Variants in ACSF2 observed in about 807,000 individuals in gnomAD.
The protein encoded by ACSF2 is acyl-CoA synthetase family member 2.
In ACSF2, 52 loss-of-function variants were observed where a neutral mutation model predicts 79.3. The ratio of observed to expected loss-of-function variants is 0.66; its 90% CI spans 0.53 to 0.83. ACSF2 has a LOEUF of 0.83. Among genes scored for constraint, ACSF2 ranks in the 40% least tolerant of loss-of-function variants. ACSF2 has a pLI of 0.00. For missense variants in ACSF2, 661 were observed against 803.3 expected (o/e 0.82, Z 2.14); for synonymous variants, 283 against 312.6 (o/e 0.91, Z 1.00).
Position 50,458,639 on chromosome 17 carries a change from T to C in ACSF2, c.129-2038T>C, listed in dbSNP as rs191833431. Among the ~76,000 whole-genome samples, 3 of 152,314 alleles carry C rather than the reference T, an allele frequency of 2.0e-5. No homozygotes were observed. In the East Asian group the frequency reaches 5.8e-4, roughly 29 times the overall value. The stretch of plus-strand genomic sequence containing the variant: ...TCCTGTCTTTCCCACCAGACCCTTA[T>C]CTCTGCAAGGACAGGGACTGTATTT... On this transcript the variant is annotated intron_variant, in intron 1 of 15. Coordinates refer to ENST00000300441, the MANE Select transcript of ACSF2 (RefSeq NM_025149.6).
chr17:50,428,800 A>G (rs1915260171), intron 1 of ACSF2, among the ~76,000 whole-genome samples: 1 of 152,208 alleles, frequency 6.6e-6, no homozygotes, highest in African/African-American at 2.4e-5. Flanking sequence ...AAAAATAAAA[A>G]TGAAAAAAGA....
At chr17:50,464,032 TGTGG>T in intron 9 of ACSF2, 123 bp downstream of exon 9, 1 of 533,992 alleles carries the variant, frequency 1.9e-6, no homozygotes, top group Non-Finnish European at 3.1e-6. Context: ...GCTGTAAAAA[TGTGG>T]GTGGGAGGGA....
chr17:50,458,072 C>A (rs563178112), intron 1 of ACSF2, among the ~76,000 whole-genome samples: 70 of 152,308 alleles, frequency 4.6e-4, no homozygotes, highest in African/African-American at 1.6e-3. Context: ...TCTTGAAAAA[C>A]TGTCACTTGG....
intron 1 of ACSF2, among the ~76,000 whole-genome samples, chr17:50,442,031 A>G (rs1005540548): frequency 6.6e-6 from 1 of 152,020 alleles, no homozygotes; most frequent in African/African-American, 2.4e-5. Flanking sequence ...TTGGCTGGGC[A>G]CGGTGGCTCA....
At chr17:50,448,913 G>C (rs908549388) in intron 1 of ACSF2, among the ~76,000 whole-genome samples, 1 of 151,488 alleles carries the variant, frequency 6.6e-6, no homozygotes, top group African/African-American at 2.4e-5. Context: ...GTCAGGGTTT[G>C]ACACAAGTGA....
chr17:50,438,395 G>A (rs1014174451), intron 1 of ACSF2, among the ~76,000 whole-genome samples: 9 of 152,066 alleles, frequency 5.9e-5, no homozygotes, highest in African/African-American at 1.7e-4. Context: ...GCTTTTTTAC[G>A]TATTGCTCTG....
chr17:50,473,802 T>A lies in ACSF2; in HGVS notation c.1613T>A (p.Val538Glu), dbSNP rs747187148. ...FFHTHPKVQE[V>E]QVVGVKDDRM... Reference sequence around the variant, plus strand: ...CACACACACCCGAAGGTGCAGGAAGTGCAGGTGAGGCACTTGGCTCAGGTG... The same window carrying A: ...CACACACACCCGAAGGTGCAGGAAGAGCAGGTGAGGCACTTGGCTCAGGTG... Residue 538 changes from valine (V) to glutamate (E), a missense_variant, in exon 13 of 16, where the codon GTG (valine) becomes GAG (glutamate). By Grantham distance (121) the Val-to-Glu change is moderately radical (BLOSUM62 -2). Coordinates refer to ENST00000300441, the MANE Select transcript of ACSF2 (RefSeq NM_025149.6). 6.2e-7 allele frequency: 1 copy of A among 1,614,176 alleles called. No homozygotes were observed.
At position 50,473,736 on chromosome 17, in the gene ACSF2, G is replaced by A. The variant is rs1207127107; in HGVS notation, c.1547G>A (p.Gly516Asp). 3 of 1,614,238 alleles carry A rather than the reference G, an allele frequency of 1.9e-6. No individual in the cohort carries two copies. Among genetic ancestry groups the A allele is most frequent in the Admixed American group, 3.3e-5 (2 of 60,028 alleles). Residue 516 changes from glycine (G) to aspartate (D), a missense_variant, in exon 13 of 16, where the codon GGT becomes GAT. Transcript: ENST00000300441. ...CGCTCTAAGGATATGATCATCCGGG[G>A]TGGTGAGAACATCTACCCCGCAGAG... is the stretch of plus-strand genomic sequence containing the variant. ...VGRSKDMIIR[G>D]GENIYPAELE...
At chr17:50,440,839 G>A (rs1008363984) in intron 1 of ACSF2, among the ~76,000 whole-genome samples, 2 of 152,386 alleles carry the variant, frequency 1.3e-5, no homozygotes, top group Admixed American at 6.5e-5. Flanking sequence ...TTGGTGCCAG[G>A]AGAGGTGAGC....
intron 1 of ACSF2, among the ~76,000 whole-genome samples, chr17:50,440,131 G>GACCTAGGGAGTAAGGAGCCAGCCTCCCTA (rs1426869390): frequency 9.9e-4 from 151 of 152,170 alleles, no homozygotes; most frequent in Middle Eastern, 3.4e-3. Context: ...GCCTCCCATG[G>GACCTAGGGAGTAAGGAGCCAGCCTCCCTA]GGGGTAAGGA....
chr17:50,472,744 T>C (rs2033179486), intron 12 of ACSF2, 165 bp downstream of exon 12: 3 of 786,660 alleles, frequency 3.8e-6, no homozygotes, highest in Non-Finnish European at 5.6e-6. Context: ...GGGATGATCA[T>C]ACATAGCACA....
intron 1 of ACSF2, among the ~76,000 whole-genome samples, chr17:50,428,833 G>A (rs530919068): frequency 3.7e-4 from 56 of 152,358 alleles, no homozygotes; most frequent in Non-Finnish European, 6.8e-4. Flanking sequence ...GAAACCATCA[G>A]CAAACATTCC....
chr17:50,426,305 C>T lies in ACSF2; in HGVS notation c.44C>T (p.Ala15Val). 1 of 1,416,128 alleles carries T rather than the reference C, an allele frequency of 7.1e-7. No homozygotes were observed. The highest frequency in any genetic ancestry group is 1.6e-5 in the South Asian group (1 of 60,654). 87.7% of individuals were successfully genotyped at this position (1,416,128 alleles called of 1,614,324 possible). Residue 15 changes from alanine to valine, a missense_variant, in exon 1 of 16, where the codon GCC becomes GTC. Coordinates refer to ENST00000300441, the MANE Select transcript of ACSF2 (RefSeq NM_025149.6). ...ATGCTGCGCCTGGGGAGGCTGTGCG[C>T]CGGGAGCTCGGGGGTGCTGGGGGCC... The part of the protein sequence containing the change: ...VGMLRLGRLC[A>V]GSSGVLGARA...
intron 10 of ACSF2, among the ~76,000 whole-genome samples, chr17:50,466,813 G>A (rs1380728022): frequency 6.6e-6 from 1 of 152,180 alleles, no homozygotes; most frequent in African/African-American, 2.4e-5. Context: ...GGCCTCCCCT[G>A]CCCCAAACCA....
At chr17:50,464,171 T>A (rs1419713729) in intron 9 of ACSF2, 47 bp from the exon 10 acceptor site, 2 of 1,580,986 alleles carry the variant, frequency 1.3e-6, no homozygotes, top group Non-Finnish European at 8.7e-7. Flanking sequence ...AGGACTCCAC[T>A]GGGCCTGGAG....
chr17:50,465,928 C>T, intron 10 of ACSF2: 1 of 1,594,426 alleles, frequency 6.3e-7, no homozygotes, highest in Admixed American at 1.7e-5. Flanking sequence ...AATGAGTAAG[C>T]ACCCGAGTGC....
intron 1 of ACSF2, among the ~76,000 whole-genome samples, chr17:50,436,320 G>A (rs946992446): frequency 3.3e-5 from 5 of 151,672 alleles, no homozygotes; most frequent in East Asian, 1.9e-4. Flanking sequence ...TAGTAGAGAC[G>A]GGGTTTCACC....
chr17:50,465,282 C>T, intron 10 of ACSF2: 1 of 1,613,922 alleles, frequency 6.2e-7, no homozygotes, highest in Non-Finnish European at 8.5e-7. Context: ...GACCTGTTTA[C>T]CTGGCCCCCA....
intron 1 of ACSF2, chr17:50,450,538 A>G (rs1272609222): frequency 6.6e-6 from 1 of 150,710 alleles, no homozygotes; most frequent in Middle Eastern, 3.2e-3. Flanking sequence ...AGCCATTTCC[A>G]TTTTGTGGAT....
Sources: allele counts gnomAD v4.1 joint callset (sites outside exome capture counted in the v4.1 genomes callset), GRCh38; gene constraint gnomAD v4.1.1; transcripts MANE v1.5; gene names NCBI Gene and HGNC (gene_info 2026-07-23, HGNC 2026-07-21).